SASH1: variants seen among roughly 807,000 people sequenced by gnomAD.
The protein encoded by SASH1 is SAM and SH3 domain-containing protein 1.
In SASH1, 44 loss-of-function variants were observed where a neutral mutation model predicts 125.2. That is an observed-to-expected ratio of 0.35 (90% CI 0.28 to 0.45). The LOEUF is 0.45. SASH1 is among the 20% of genes least tolerant of loss of function. SASH1 has a pLI of 1.00. For missense variants in SASH1, 1,426 were observed against 1,614.5 expected, an observed-to-expected ratio of 0.88 and a Z score of 2.00; for synonymous variants, 639 against 649.1, an observed-to-expected ratio of 0.98 and a Z score of 0.24.
intron 1 of SASH1, among the ~76,000 whole-genome samples, chr6:148,320,730 T>C (rs1780614457): frequency 6.6e-6 from 1 of 152,150 alleles, no homozygotes; most frequent in African/African-American, 2.4e-5. Flanking sequence ...GAGATTCTCC[T>C]CCTCCAGCCT....
In SASH1 at chr6:148,428,629, CAA is replaced by C. The variant is rs369165377; in HGVS notation, c.286-11543_286-11542del. On this transcript the variant is annotated intron_variant, in intron 2 of 19. Coordinates refer to ENST00000367467, the MANE Select transcript of SASH1 (RefSeq NM_015278.5). ...GAGCCACAAGAGTGAAACTTTATCTCAAAAAAAAAAAAAGAGAATATAAACTA... is the reference window on the plus strand; with the variant it reads ...GAGCCACAAGAGTGAAACTTTATCTCAAAAAAAAAAAGAGAATATAAACTA... 2.2e-4 allele frequency among the ~76,000 whole-genome samples: 18 copies of C among 81,806 alleles called. 1 individual carries two copies. The highest frequency in any genetic ancestry group is 2.6e-4 in the Admixed American group (2 of 7,560). The allele number at this position is 81,806 out of a possible 152,430, so 53.7% of individuals were successfully genotyped here.
At chr6:148,491,634 CTT>C (rs1410489409) in intron 8 of SASH1, among the ~76,000 whole-genome samples, 1 of 152,158 alleles carries the variant, frequency 6.6e-6, no homozygotes, top group Non-Finnish European at 1.5e-5. Flanking sequence ...CAGATTCAGT[CTT>C]TACCTTTTTT....
chr6:148,413,513 G>A (rs1054158364), intron 2 of SASH1, among the ~76,000 whole-genome samples: 1 of 152,154 alleles, frequency 6.6e-6, no homozygotes, highest in Non-Finnish European at 1.5e-5. Context: ...CTCATCTTAC[G>A]ATATGTATTT....
At position 148,514,014 on chromosome 6, in the gene SASH1, T is replaced by C. The variant is rs1780294247; in HGVS notation, c.730-310T>C. 5 of 1,034,674 alleles carry C rather than the reference T, an allele frequency of 4.8e-6. No individual in the cohort carries two copies. In the East Asian group the frequency reaches 4.3e-4, roughly 89 times the overall value. 64.1% of individuals were successfully genotyped at this position (1,034,674 alleles called of 1,614,324 possible). ...TACAGGGCCAGCATCGGAGGGAGAG[T>C]CCTGCTGGAGTCCTCCTAAGAGAGG... On this transcript the variant is annotated intron_variant, in intron 8 of 19. Transcript: ENST00000367467.
At chr6:148,278,333 G>A (rs374687313) in intron 1 of SASH1, among the ~76,000 whole-genome samples, 4 of 152,174 alleles carry the variant, frequency 2.6e-5, no homozygotes, top group South Asian at 2.1e-4. Context: ...CACCGCACCC[G>A]GCCGGGAGAG....
chr6:148,520,139 G>A (rs975343236), intron 10 of SASH1: 2 of 509,354 alleles, frequency 3.9e-6, no homozygotes, highest in Non-Finnish European at 7.1e-6. Flanking sequence ...TCCCCGGCAG[G>A]AGGGTGCGCG....
At chr6:148,538,479 A>C (rs1782008655) in intron 16 of SASH1, among the ~76,000 whole-genome samples, 1 of 152,220 alleles carries the variant, frequency 6.6e-6, no homozygotes, top group African/African-American at 2.4e-5. Flanking sequence ...CAGTGAGGAC[A>C]CCGCTCTAGA....
the SASH1 span, among the ~76,000 whole-genome samples, chr6:148,230,175 G>T: frequency 6.6e-6 from 1 of 152,100 alleles, no homozygotes; most frequent in Non-Finnish European, 1.5e-5. Flanking sequence ...GTGGTCTTTT[G>T]TGACTGGATT....
chr6:148,431,813 A>G (rs1300991209), intron 2 of SASH1, among the ~76,000 whole-genome samples: 2 of 151,998 alleles, frequency 1.3e-5, no homozygotes, highest in South Asian at 2.1e-4. Context: ...TGAATTTTCA[A>G]TAAAAATAAA....
At chr6:148,266,778 ATT>A in the SASH1 span, among the ~76,000 whole-genome samples, 2 of 141,976 alleles carry the variant, frequency 1.4e-5, no homozygotes, top group African/African-American at 2.6e-5. Context: ...TTTTTTTTTA[ATT>A]TTTTTTTTTT....
chr6:148,344,762 T>G (rs1249377923), intron 1 of SASH1, among the ~76,000 whole-genome samples: 1 of 151,042 alleles, frequency 6.6e-6, no homozygotes, highest in Non-Finnish European at 1.5e-5. Flanking sequence ...TTTCTTTTTT[T>G]TTTTTTTTTT....
the SASH1 span, among the ~76,000 whole-genome samples, chr6:148,219,489 C>T: frequency 2.0e-5 from 3 of 152,322 alleles, no homozygotes; most frequent in South Asian, 2.1e-4. Context: ...GCATTATCTC[C>T]TCCAAACTCG....
At chr6:148,534,445 G>A (rs896053627) in intron 15 of SASH1, among the ~76,000 whole-genome samples, 1 of 152,188 alleles carries the variant, frequency 6.6e-6, no homozygotes, top group Non-Finnish European at 1.5e-5. Context: ...AGTCTCCTCT[G>A]TTGTGGGCTC....
At chr6:148,481,477 C>G (rs1778616937) in intron 7 of SASH1, among the ~76,000 whole-genome samples, 1 of 152,136 alleles carries the variant, frequency 6.6e-6, no homozygotes, top group Non-Finnish European at 1.5e-5. Context: ...TTCAACGTGC[C>G]CTCCTCACTA....
intron 4 of SASH1, among the ~76,000 whole-genome samples, chr6:148,460,866 T>G (rs1225066335): frequency 6.6e-6 from 1 of 152,216 alleles, no homozygotes; most frequent in African/African-American, 2.4e-5. Flanking sequence ...CTCAATTATT[T>G]GAGAGAGGTT....
At chr6:148,357,561 C>T (rs1368087936) in intron 1 of SASH1, among the ~76,000 whole-genome samples, 3 of 152,058 alleles carry the variant, frequency 2.0e-5, no homozygotes, top group Non-Finnish European at 4.4e-5. Flanking sequence ...CAGTGTGGGT[C>T]AGTGTGGCAA....
At chr6:148,434,063 ATTTTTTTTTTTTTTTT>A (rs758854072) in intron 2 of SASH1, among the ~76,000 whole-genome samples, 4 of 69,422 alleles carry the variant, frequency 5.8e-5, no homozygotes, top group African/African-American at 5.9e-5. Flanking sequence ...GGAACTGGAG[ATTTTTTTTTTTTTTTT>A]TTTTTTTTTT....
chr6:148,387,840 G>A (rs1783535492), intron 1 of SASH1, among the ~76,000 whole-genome samples: 1 of 150,622 alleles, frequency 6.6e-6, no homozygotes, highest in Admixed American at 6.7e-5. Context: ...CCAGGCTCAG[G>A]TGATTCTCCT....
chr6:148,222,064 T>G, the SASH1 span, among the ~76,000 whole-genome samples: 1 of 152,308 alleles, frequency 6.6e-6, no homozygotes, highest in East Asian at 1.9e-4. Flanking sequence ...AAAAGCAAGG[T>G]GAACTTCTTC....
Sources: allele counts gnomAD v4.1 joint callset (sites outside exome capture counted in the v4.1 genomes callset), GRCh38; gene constraint gnomAD v4.1.1; transcripts MANE v1.5; gene names NCBI Gene and HGNC (gene_info 2026-07-23, HGNC 2026-07-21).